Variants in NR2F1-AS1 observed in about 807,000 individuals in gnomAD.
NR2F1-AS1 encodes the protein NR2F1 antisense RNA 1.
chr5:93,532,356 T>C (rs1445900384), intron 4 of NR2F1-AS1, among the ~76,000 whole-genome samples: 1 of 152,180 alleles, frequency 6.6e-6, no homozygotes, highest in African/African-American at 2.4e-5. Flanking sequence ...ACTTAGTTTT[T>C]ATAAAATTCC....
chr5:93,582,957 G>T (rs543900053), upstream of NR2F1-AS1, among the ~76,000 whole-genome samples: 4 of 151,990 alleles, frequency 2.6e-5, no homozygotes, highest in East Asian at 1.9e-4. Context: ...GCGGGGGGGG[G>T]AGAAAGAAAG....
intron 4 of NR2F1-AS1, among the ~76,000 whole-genome samples, chr5:93,522,706 C>G (rs1424972262): frequency 1.3e-5 from 2 of 152,180 alleles, no homozygotes; most frequent in Admixed American, 6.5e-5. Flanking sequence ...TGAGCCAAAG[C>G]AGGGTGAGGC....
chr5:93,526,829 T>C (rs966653324), intron 4 of NR2F1-AS1, among the ~76,000 whole-genome samples: 12 of 152,226 alleles, frequency 7.9e-5, no homozygotes, highest in African/African-American at 2.6e-4. Context: ...ATAAACTAGG[T>C]ATTGATGGAA....
At chr5:93,560,002 G>A (rs1377827779) in intron 2 of NR2F1-AS1, among the ~76,000 whole-genome samples, 8 of 152,144 alleles carry the variant, frequency 5.3e-5, no homozygotes, top group Admixed American at 6.5e-5. Context: ...TGTAAAAAAC[G>A]TAGTATCTGT....
At chr5:93,464,801 C>A (rs1040691890) in intron 4 of NR2F1-AS1, among the ~76,000 whole-genome samples, 2 of 152,154 alleles carry the variant, frequency 1.3e-5, no homozygotes, top group Admixed American at 1.3e-4. Context: ...CTGAATTGGC[C>A]AACATTTACT....
rs988812775 is a variant in NR2F1-AS1 at position 93,525,118 on chromosome 5, C to A, written n.638+28643G>T. Reference sequence around the variant, plus strand: ...TGTGCTGTATTCAGGAGACCCATCTCATGTGAAAAGACACACACAGGCTCA... The same window carrying A: ...TGTGCTGTATTCAGGAGACCCATCTAATGTGAAAAGACACACACAGGCTCA... On this transcript the variant is annotated intron_variant and non_coding_transcript_variant, in intron 4 of 5. Coordinates refer to ENST00000660523, the Ensembl canonical transcript of NR2F1-AS1. 1.5e-4 allele frequency among the ~76,000 whole-genome samples: 23 copies of A among 152,090 alleles called. 1 individual carries two copies. Among genetic ancestry groups the A allele is most frequent in the Admixed American group, 7.9e-4 (12 of 15,270 alleles).
intron 1 of NR2F1-AS1, among the ~76,000 whole-genome samples, chr5:93,575,687 T>G (rs766555959): frequency 2.6e-5 from 4 of 152,124 alleles, no homozygotes; most frequent in Non-Finnish European, 5.9e-5. Flanking sequence ...TAAGATGACT[T>G]CTGGAAAAAG....
At chr5:93,515,542 T>C (rs959929854) in intron 4 of NR2F1-AS1, among the ~76,000 whole-genome samples, 6 of 151,972 alleles carry the variant, frequency 3.9e-5, no homozygotes, top group African/African-American at 1.4e-4. Flanking sequence ...CATCTATCTC[T>C]TCTACTAGAC....
chr5:93,582,847 C>T (rs1753138544), upstream of NR2F1-AS1, among the ~76,000 whole-genome samples: 1 of 151,886 alleles, frequency 6.6e-6, no homozygotes, highest in Non-Finnish European at 1.5e-5. Flanking sequence ...TAAATAGCAG[C>T]GCAGGGCGAT....
chr5:93,530,638 T>C (rs1412504295), intron 4 of NR2F1-AS1, among the ~76,000 whole-genome samples: 1 of 152,164 alleles, frequency 6.6e-6, no homozygotes, highest in Non-Finnish European at 1.5e-5. Context: ...TAAAATGGAT[T>C]TGTGGCATAT....
At chr5:93,470,187 C>T (rs1302711475) in intron 4 of NR2F1-AS1, among the ~76,000 whole-genome samples, 1 of 151,836 alleles carries the variant, frequency 6.6e-6, no homozygotes, top group Non-Finnish European at 1.5e-5. Context: ...CAGCATAATA[C>T]AATAAACATG....
chr5:93,497,341 C>A (rs1750982877), intron 4 of NR2F1-AS1, among the ~76,000 whole-genome samples: 1 of 152,184 alleles, frequency 6.6e-6, no homozygotes, highest in Non-Finnish European at 1.5e-5. Context: ...CTCCCCTCAT[C>A]ACCACAGCTG....
At chr5:93,532,087 A>T (rs1277701071) in intron 4 of NR2F1-AS1, among the ~76,000 whole-genome samples, 1 of 152,144 alleles carries the variant, frequency 6.6e-6, no homozygotes, top group East Asian at 1.9e-4. Context: ...ATCTTACTAG[A>T]CTGTTTAAAG....
At chr5:93,442,239 G>A (rs960760869) in intron 4 of NR2F1-AS1, among the ~76,000 whole-genome samples, 3 of 152,180 alleles carry the variant, frequency 2.0e-5, no homozygotes, top group Non-Finnish European at 4.4e-5. Flanking sequence ...AAGCAGGGCG[G>A]GGCATCACCT....
rs1436240687 is a variant in NR2F1-AS1 at position 93,568,024 on chromosome 5, AACTG to A, written n.314-4565_314-4562del. ...AAATTTACCTACTAATCTACAACTT[AACTG>A]ACTAATTCCTGGTACACCATATTTG... On this transcript the variant is annotated intron_variant and non_coding_transcript_variant, in intron 1 of 5. Coordinates refer to ENST00000660523, the Ensembl canonical transcript of NR2F1-AS1. Among the ~76,000 whole-genome samples the A allele has an allele frequency of 1.1e-3, 171 of 152,352 alleles. 1 individual carries two copies. The highest frequency in any genetic ancestry group is 3.7e-3 in the African/African-American group (153 of 41,590).
chr5:93,440,272 C>T (rs933126050), intron 4 of NR2F1-AS1, among the ~76,000 whole-genome samples: 1 of 151,948 alleles, frequency 6.6e-6, no homozygotes, highest in African/African-American at 2.4e-5. Context: ...TTGACTGGGC[C>T]ATGGGGTGCC....
intron 4 of NR2F1-AS1, among the ~76,000 whole-genome samples, chr5:93,473,839 T>C (rs1291373639): frequency 1.3e-5 from 2 of 151,926 alleles, no homozygotes; most frequent in South Asian, 2.1e-4. Flanking sequence ...ACAGCATAGA[T>C]AACCTACTCA....
At chr5:93,530,960 T>C (rs953677029) in intron 4 of NR2F1-AS1, among the ~76,000 whole-genome samples, 1 of 152,180 alleles carries the variant, frequency 6.6e-6, no homozygotes, top group Non-Finnish European at 1.5e-5. Context: ...AACTTTTACA[T>C]GGGGAAAACA....
intron 4 of NR2F1-AS1, among the ~76,000 whole-genome samples, chr5:93,447,665 C>G (rs1282753836): frequency 2.6e-5 from 4 of 152,250 alleles, no homozygotes; most frequent in Middle Eastern, 3.4e-3. Flanking sequence ...CAAGGATCTA[C>G]AACTAGATAT....
Sources: gnomAD v4.1 joint callset for allele counts (sites outside exome capture counted in the v4.1 genomes callset) on GRCh38, gnomAD v4.1.1 for gene constraint, MANE v1.5 for transcripts, NCBI Gene and HGNC (gene_info 2026-07-23, HGNC 2026-07-21) for gene names.